The following DOK5 variants were observed in gnomAD, a reference collection of about 807,000 sequenced individuals.
DOK5 encodes the protein docking protein 5, also known as downstream of tyrosine kinase 5.
Under a neutral mutation model 43.3 loss-of-function variants are expected in DOK5, and 27 were observed. The observed-to-expected ratio is 0.62, with a 90% CI of 0.46 to 0.86. The LOEUF is 0.86. DOK5 is among the 40% of genes least tolerant of loss of function. The probability of loss-of-function intolerance (pLI) is 0.00; values close to 1 mark genes in which losing one functional copy is unlikely to be tolerated. For synonymous variants in DOK5, 146 were observed against 140.1 expected (o/e 1.04, Z -0.30); for missense variants, 373 against 392.9 (o/e 0.95, Z 0.43).
intron 1 of DOK5, among the ~76,000 whole-genome samples, chr20:54,554,531 C>A (rs993197313): frequency 6.6e-6 from 1 of 152,168 alleles, no homozygotes; most frequent in African/African-American, 2.4e-5. Flanking sequence ...CTGCCAGATT[C>A]TAGGATGGGC....
intron 2 of DOK5, among the ~76,000 whole-genome samples, chr20:54,566,001 A>G (rs1985082035): frequency 6.9e-6 from 1 of 144,732 alleles, no homozygotes; most frequent in East Asian, 2.0e-4. Context: ...CTGGTGACAG[A>G]GCGAGATTCC....
At chr20:54,641,152 T>C (rs1283270692) in intron 6 of DOK5, among the ~76,000 whole-genome samples, 1 of 152,212 alleles carries the variant, frequency 6.6e-6, no homozygotes, top group East Asian at 1.9e-4. Flanking sequence ...GTACTTAGCT[T>C]TTGGACCTTT....
intron 1 of DOK5, among the ~76,000 whole-genome samples, chr20:54,542,618 C>A (rs189987903): frequency 6.6e-6 from 1 of 152,158 alleles, no homozygotes; most frequent in Non-Finnish European, 1.5e-5. Flanking sequence ...TTGATTCCAT[C>A]AGAATGTTTT....
At chr20:54,560,369 C>T (rs1984859212) in intron 2 of DOK5, among the ~76,000 whole-genome samples, 1 of 152,130 alleles carries the variant, frequency 6.6e-6, no homozygotes, top group Non-Finnish European at 1.5e-5. Flanking sequence ...GAGGACATGA[C>T]TCTTCACATC....
At chr20:54,605,102 A>G (rs2146787246) in intron 5 of DOK5, among the ~76,000 whole-genome samples, 2 of 141,668 alleles carry the variant, frequency 1.4e-5, no homozygotes, top group African/African-American at 5.9e-5. Flanking sequence ...CAGTGTCCAT[A>G]TATTCTACAC....
At chr20:54,496,201 G>T (rs1982384721) in intron 1 of DOK5, among the ~76,000 whole-genome samples, 1 of 152,164 alleles carries the variant, frequency 6.6e-6, no homozygotes, top group South Asian at 2.1e-4. Flanking sequence ...GCAAGTTAAG[G>T]TCATGCATTC....
intron 2 of DOK5, among the ~76,000 whole-genome samples, chr20:54,557,557 T>C (rs1984746906): frequency 6.6e-6 from 1 of 152,164 alleles, no homozygotes. Flanking sequence ...CGATTTGATT[T>C]CTTGCTGCCC....
rs562823285 is a variant in DOK5, at chr20:54,511,698, G to A, written c.66+35686G>A. ...GGCCCAGGGATGCACCTGACTTGAG[G>A]AATGGCTCATTGCTGGAGTCAGTGA... On this transcript the variant is annotated intron_variant, in intron 1 of 7. Transcript: ENST00000262593. Among the ~76,000 whole-genome samples the A allele has an allele frequency of 4.3e-4, 66 of 152,298 alleles. 1 individual carries two copies. In the South Asian group the frequency reaches 0.013, roughly 31 times the overall value.
At chr20:54,644,718 A>AAAAAAAAAAAAAAAAAC (rs1555839806) in intron 7 of DOK5, among the ~76,000 whole-genome samples, 29 of 142,556 alleles carry the variant, frequency 2.0e-4, no homozygotes, top group African/African-American at 8.5e-4. Flanking sequence ...AAAAAAAAAA[A>AAAAAAAAAAAAAAAAAC]AAAAAACAAA....
intron 1 of DOK5, among the ~76,000 whole-genome samples, chr20:54,521,096 G>A (rs1983377924): frequency 6.6e-6 from 1 of 151,864 alleles, no homozygotes; most frequent in East Asian, 1.9e-4. Flanking sequence ...TGAGGGACCT[G>A]TGAGCAACCT....
At chr20:54,628,679 C>T (rs1490337801) in intron 6 of DOK5, among the ~76,000 whole-genome samples, 1 of 152,002 alleles carries the variant, frequency 6.6e-6, no homozygotes, top group African/African-American at 2.4e-5. Flanking sequence ...GTATATTACG[C>T]AGTTTGTATC....
At chr20:54,531,132 A>G (rs1027581255) in intron 1 of DOK5, among the ~76,000 whole-genome samples, 3 of 152,164 alleles carry the variant, frequency 2.0e-5, no homozygotes, top group Non-Finnish European at 2.9e-5. Context: ...AGCTTGGATT[A>G]TGTTGCTTGC....
intron 5 of DOK5, among the ~76,000 whole-genome samples, chr20:54,595,876 C>T (rs1268221754): frequency 6.6e-6 from 1 of 152,112 alleles, no homozygotes; most frequent in Non-Finnish European, 1.5e-5. Context: ...TAGCTGCTAA[C>T]CTTGGACAAA....
chr20:54,591,823 T>C lies in DOK5; in HGVS notation c.599+18T>C, dbSNP rs1041757455. On this transcript the variant is annotated intron_variant, in intron 5 of 7. Coordinates refer to ENST00000262593, the MANE Select transcript of DOK5 (RefSeq NM_018431.5). ...GCAGGGAGGTGAGTTTAATGACTTT[T>C]AATGACTATTTTTCTGTTTGTGTGT... is the stretch of plus-strand genomic sequence containing the variant. 1.2e-6 allele frequency: 2 copies of C among 1,604,176 alleles called. No individual in the cohort carries two copies. Among genetic ancestry groups the C allele is most frequent in the Admixed American group, 1.7e-5 (1 of 58,736 alleles).
At chr20:54,481,999 ACT>A (rs1188335296) in intron 1 of DOK5, among the ~76,000 whole-genome samples, 2 of 152,132 alleles carry the variant, frequency 1.3e-5, no homozygotes, top group African/African-American at 4.8e-5. Flanking sequence ...TTATTATTTC[ACT>A]GTTTCTACTG....
intron 2 of DOK5, among the ~76,000 whole-genome samples, chr20:54,581,371 G>T (rs1985631650): frequency 7.0e-6 from 1 of 143,034 alleles, no homozygotes; most frequent in African/African-American, 2.9e-5. Flanking sequence ...ATGAATTTTA[G>T]CTTTGCTTTT....
At chr20:54,645,093 C>T (rs1478043785) in intron 7 of DOK5, among the ~76,000 whole-genome samples, 3 of 144,840 alleles carry the variant, frequency 2.1e-5, no homozygotes, top group African/African-American at 5.2e-5. Context: ...CTGCAAGTTC[C>T]GCGCAAAAAA....
At chr20:54,618,212 A>G (rs1234973634) in intron 6 of DOK5, among the ~76,000 whole-genome samples, 3 of 152,184 alleles carry the variant, frequency 2.0e-5, no homozygotes, top group African/African-American at 4.8e-5. Context: ...GCTCATTACT[A>G]CTGGAGCCAG....
intron 2 of DOK5, among the ~76,000 whole-genome samples, chr20:54,578,581 TA>T (rs963745734): frequency 3.3e-5 from 5 of 152,196 alleles, no homozygotes; most frequent in African/African-American, 1.2e-4. Context: ...CAAGGATATC[TA>T]AAAATAAATA....
Sources: allele counts gnomAD v4.1 joint callset (sites outside exome capture counted in the v4.1 genomes callset), GRCh38; gene constraint gnomAD v4.1.1; transcripts MANE v1.5; gene names NCBI Gene and HGNC (gene_info 2026-07-23, HGNC 2026-07-21).